WDR88: variants seen among roughly 807,000 people sequenced by gnomAD.
WDR88 encodes the protein WD repeat-containing protein 88.
WDR88 carries 40 observed loss-of-function variants against 46.8 expected under a neutral mutation model. The observed-to-expected ratio is 0.86, with a 90% CI of 0.66 to 1.11. The LOEUF is 1.11. Ranked by LOEUF, WDR88 falls within the 50% of genes most tolerant of loss-of-function variation. The pLI, the probability that WDR88 is intolerant of heterozygous loss-of-function variation, is 0.00. For synonymous variants in WDR88, 235 were observed against 240.7 expected, an observed-to-expected ratio of 0.98 and a Z score of 0.22; for missense variants, 562 against 602.4, an observed-to-expected ratio of 0.93 and a Z score of 0.70.
In WDR88 at chr19:33,175,581, G is replaced by C; in HGVS notation, c.*9G>C. 1 of 1,614,042 alleles carries C rather than the reference G, an allele frequency of 6.2e-7. No individual in the cohort carries two copies. Among genetic ancestry groups the C allele is most frequent in the African/African-American group, 1.3e-5 (1 of 75,064 alleles). ...GAAGCAAGGATGACTGACAGCCACA[G>C]GCCCCTTTGAGTGACTCCAGCACAG... On this transcript the variant is annotated 3_prime_UTR_variant, in exon 11 of 11. Coordinates refer to ENST00000355868, the MANE Select transcript of WDR88 (RefSeq NM_173479.4).
intron 9 of WDR88, among the ~76,000 whole-genome samples, chr19:33,171,208 A>G (rs1974033760): frequency 6.6e-6 from 1 of 152,096 alleles, no homozygotes; most frequent in African/African-American, 2.4e-5. Flanking sequence ...CTGGTCTCAA[A>G]CTCCTGACCT....
intron 7 of WDR88, among the ~76,000 whole-genome samples, chr19:33,160,133 C>T (rs1385501805): frequency 1.3e-5 from 2 of 152,172 alleles, no homozygotes; most frequent in African/African-American, 4.8e-5. Flanking sequence ...GCTTGCTTGC[C>T]TACCACTCAC....
intron 1 of WDR88, among the ~76,000 whole-genome samples, chr19:33,136,204 C>T (rs896215754): frequency 6.6e-6 from 1 of 151,852 alleles, no homozygotes; most frequent in Non-Finnish European, 1.5e-5. Context: ...TACAGGCATG[C>T]GCCACCATGC....
chr19:33,136,200 C>T (rs546508372), intron 1 of WDR88, among the ~76,000 whole-genome samples: 2 of 151,950 alleles, frequency 1.3e-5, no homozygotes, highest in South Asian at 2.1e-4. Flanking sequence ...GGATTACAGG[C>T]ATGCGCCACC....
At chr19:33,163,773 C>T (rs1973141868) in intron 8 of WDR88, among the ~76,000 whole-genome samples, 1 of 151,420 alleles carries the variant, frequency 6.6e-6, no homozygotes, top group South Asian at 2.1e-4. Flanking sequence ...GTTGGGATTA[C>T]AGGCGCATGC....
At chr19:33,154,215 C>CT (rs201955928) in intron 6 of WDR88, among the ~76,000 whole-genome samples, 45 of 151,236 alleles carry the variant, frequency 3.0e-4, no homozygotes, top group African/African-American at 1.1e-3. Context: ...ATTGCTATGT[C>CT]TTTTTTTTTA....
rs553981698 is a variant in WDR88, at chr19:33,168,152, C to T, written c.1149+3887C>T. 8.8e-4 allele frequency among the ~76,000 whole-genome samples: 134 copies of T among 152,130 alleles called. 1 individual carries two copies. Among genetic ancestry groups the T allele is most frequent in the African/African-American group, 3.1e-3 (128 of 41,522 alleles). ...AAGCAATTCTCCTGCTTCAGCCTCC[C>T]GAGTAGCTGGGATTACAGGCATGTG... On this transcript the variant is annotated intron_variant, in intron 9 of 10. Transcript: ENST00000355868.
At chr19:33,153,794 C>T (rs1973682348) in intron 6 of WDR88, among the ~76,000 whole-genome samples, 1 of 152,136 alleles carries the variant, frequency 6.6e-6, no homozygotes, top group African/African-American at 2.4e-5. Flanking sequence ...TGCCTGGCCA[C>T]ACTGTGGTTT....
At chr19:33,141,227 G>GGTTTTTTTTT (rs1973384940) in intron 2 of WDR88, among the ~76,000 whole-genome samples, 1 of 113,430 alleles carries the variant, frequency 8.8e-6, no homozygotes, top group African/African-American at 4.1e-5. Context: ...GTGGGAGCAT[G>GGTTTTTTTTT]TTTTTTTTTT....
rs1324742640 is a variant in WDR88, at chr19:33,164,253, G to A, written c.1137G>A (p.Leu379=). 6.2e-6 allele frequency: 10 copies of A among 1,613,942 alleles called. No individual in the cohort carries two copies. The East Asian group carries it at 2.2e-4, about 36-fold the overall frequency. The change falls in exon 9 of 11, where the codon CTG becomes CTA. Residue 379 remains leucine, a synonymous_variant. Coordinates refer to ENST00000355868, the MANE Select transcript of WDR88 (RefSeq NM_173479.4). ...TTAGCAACAACAAGAAATGGATCCTGTCTGCTTCCAAGGTAAAAGTGGTCA... is the reference window on the plus strand; with the variant it reads ...TTAGCAACAACAAGAAATGGATCCTATCTGCTTCCAAGGTAAAAGTGGTCA... ...VAISNNKKWI[L]SASKDRTMRL...
chr19:33,143,337 C>CAAA (rs59380405), intron 2 of WDR88, among the ~76,000 whole-genome samples: 47 of 49,334 alleles, frequency 9.5e-4, no homozygotes, highest in Middle Eastern at 0.017. Flanking sequence ...GATCCAGTGT[C>CAAA]AAAAAAAAAA....
chr19:33,150,235 T>C (rs1055979289), intron 5 of WDR88, among the ~76,000 whole-genome samples: 3 of 152,048 alleles, frequency 2.0e-5, no homozygotes, highest in Admixed American at 6.5e-5. Flanking sequence ...GTGGATCACC[T>C]GAGCTCAAAA....
chr19:33,174,060 C>G (rs1974084529), intron 10 of WDR88: 9 of 988,444 alleles, frequency 9.1e-6, no homozygotes, highest in Non-Finnish European at 1.5e-6. Context: ...CCATGTTGGC[C>G]AGGTTGGTCT....
chr19:33,143,955 C>G (rs1016013944), intron 2 of WDR88, among the ~76,000 whole-genome samples: 7 of 152,162 alleles, frequency 4.6e-5, no homozygotes, highest in African/African-American at 1.7e-4. Flanking sequence ...CATTTGAAGT[C>G]TAACCAGTAT....
intron 7 of WDR88, among the ~76,000 whole-genome samples, chr19:33,157,534 T>C (rs1265949528): frequency 1.5e-5 from 2 of 130,526 alleles, no homozygotes; most frequent in African/African-American, 7.0e-5. Context: ...TGTATATATA[T>C]ATATATGTAT....
At chr19:33,173,890 GC>G (rs74174653) in intron 10 of WDR88, among the ~76,000 whole-genome samples, 2 of 152,062 alleles carry the variant, frequency 1.3e-5, no homozygotes, top group Non-Finnish European at 2.9e-5. Flanking sequence ...TCGCTCTGTC[GC>G]CCAGGCTGGA....
At chr19:33,169,554 C>T (rs1974002773) in intron 9 of WDR88, among the ~76,000 whole-genome samples, 3 of 149,858 alleles carry the variant, frequency 2.0e-5, no homozygotes, top group Non-Finnish European at 1.5e-5. Flanking sequence ...CACTTCACAT[C>T]TATTAGGGGG....
intron 2 of WDR88, among the ~76,000 whole-genome samples, chr19:33,139,961 T>G (rs1164596020): frequency 4.6e-5 from 7 of 152,144 alleles, no homozygotes. Context: ...TCCCTGGGTC[T>G]GCCCATGCTG....
At chr19:33,175,166 C>T (rs905507227) in intron 10 of WDR88, among the ~76,000 whole-genome samples, 5 of 152,040 alleles carry the variant, frequency 3.3e-5, no homozygotes, top group South Asian at 2.1e-4. Flanking sequence ...ACCTGGGAGG[C>T]GGAGGTTGCA....
Sources: gnomAD v4.1 joint callset for allele counts (sites outside exome capture counted in the v4.1 genomes callset) on GRCh38, gnomAD v4.1.1 for gene constraint, MANE v1.5 for transcripts, NCBI Gene and HGNC (gene_info 2026-07-23, HGNC 2026-07-21) for gene names.